Variants in AOC1 observed in about 807,000 individuals in gnomAD.
AOC1 encodes diamine oxidase [copper-containing].
AOC1 carries 58 observed loss-of-function variants against 57.1 expected under a neutral mutation model. The observed-to-expected ratio is 1.02, with a 90% CI of 0.82 to 1.26. The LOEUF (loss-of-function observed/expected upper bound fraction) is 1.26. Among genes scored for constraint, AOC1 ranks in the 50% most tolerant of loss-of-function variants. The probability of loss-of-function intolerance (pLI) is 0.00; values close to 1 mark genes in which losing one functional copy is unlikely to be tolerated. For missense variants in AOC1, 917 were observed against 1,005.3 expected (o/e 0.91, Z 1.19); for synonymous variants, 401 against 423.4 (o/e 0.95, Z 0.65).
rs752926390 is a variant in AOC1 at position 150,860,511 on chromosome 7, G to A, written c.1867G>A (p.Ala623Thr). Residue 623 changes from alanine to threonine, a missense_variant, in exon 4 of 5, where the codon GCA becomes ACA. Transcript: ENST00000360937. ...QAITWARYPLAVTKYRESELC... is the reference protein window; with the variant it reads ...QAITWARYPLTVTKYRESELC... ...GCCTGTGCCTGGCAGGTACCCCCTG[G>A]CAGTGACCAAGTACCGGGAGTCGGA... 2.5e-6 allele frequency: 4 copies of A among 1,613,970 alleles called. No individual in the cohort carries two copies. In the South Asian group the frequency reaches 4.4e-5, roughly 18 times the overall value.
Position 150,861,395 on chromosome 7 carries a change from C to T in AOC1, c.*186C>T. The T allele has an allele frequency of 1.6e-6, 1 of 629,184 alleles. No individual in the cohort carries two copies. The highest frequency in any genetic ancestry group is 2.8e-5 in the South Asian group (1 of 35,394). 39.0% of individuals were successfully genotyped at this position (629,184 alleles called of 1,614,324 possible). On this transcript the variant is annotated 3_prime_UTR_variant, in exon 5 of 5. Transcript: ENST00000360937. The surrounding 1 kb of genome is among the most constrained non-coding windows in gnomAD (Gnocchi z 4.5). ...GTGCACACACACACAGACATGCACACACACACAGACGTGCACACACACAGA... is the reference window on the plus strand; with the variant it reads ...GTGCACACACACACAGACATGCACATACACACAGACGTGCACACACACAGA...
In AOC1 at chr7:150,861,345, C is replaced by A; in HGVS notation, c.*136C>A. 2 of 1,036,550 alleles carry A rather than the reference C, an allele frequency of 1.9e-6. No individual in the cohort carries two copies. Among genetic ancestry groups the A allele is most frequent in the Non-Finnish European group, 2.7e-6 (2 of 739,698 alleles). 64.2% of individuals were successfully genotyped at this position (1,036,550 alleles called of 1,614,324 possible). ...CAGGGCCATGTGTGTAGGAAACACACGAACAGACGTGCACACACACAGACG... is the reference window on the plus strand; with the variant it reads ...CAGGGCCATGTGTGTAGGAAACACAAGAACAGACGTGCACACACACAGACG... On this transcript the variant is annotated 3_prime_UTR_variant, in exon 5 of 5. Transcript: ENST00000360937. This position sits in a 1 kb window ranked among gnomAD's most constrained non-coding sequence, Gnocchi z 4.5.
rs779754968 is a variant in AOC1 at position 150,856,885 on chromosome 7, G to T, written c.415G>T (p.Ala139Ser). The T allele has an allele frequency of 1.9e-6, 3 of 1,614,048 alleles. No individual in the cohort carries two copies. Among genetic ancestry groups the T allele is most frequent in the Non-Finnish European group, 2.5e-6 (3 of 1,179,970 alleles). Residue 139 changes from alanine to serine, a missense_variant, in exon 2 of 5, where the codon GCA becomes TCA. Physicochemically the swap from Ala to Ser is moderately conservative, Grantham distance 99 (BLOSUM62 1). Transcript: ENST00000360937. The surrounding 1 kb of genome is among the most constrained non-coding windows in gnomAD (Gnocchi z 5.2). ...SPRPGYQSSW[A>S]SRPISTAEYA... ...CAGGCCTGGGTACCAGTCCTCCTGG[G>T]CATCGAGGCCCATCTCCACAGCAGA...
At position 150,857,697 on chromosome 7, in the gene AOC1, G is replaced by C; in HGVS notation, c.1227G>C (p.Pro409=). ...TCCACTACTATGATGCCGATGACCC[G>C]GTCCATTATCCCCGAGCCCTCTGCC... is the stretch of plus-strand genomic sequence containing the variant. ...DTFHYYDADD[P]VHYPRALCLF... The change falls in exon 2 of 5, where the codon CCG becomes CCC. Residue 409 remains proline, a synonymous_variant. Transcript: ENST00000360937. The surrounding 1 kb of genome is among the most constrained non-coding windows in gnomAD (Gnocchi z 6.6). The C allele has an allele frequency of 6.2e-7, 1 of 1,614,066 alleles. No individual in the cohort carries two copies. Among genetic ancestry groups the C allele is most frequent in the Non-Finnish European group, 8.5e-7 (1 of 1,179,982 alleles).
chr7:150,857,944 C>T lies in AOC1; in HGVS notation c.1474C>T (p.Pro492Ser), dbSNP rs372093601. The change falls in exon 2 of 5, where the codon CCC (proline) becomes TCC (serine). Residue 492 changes from proline (P) to serine (S), a missense_variant. By Grantham distance (74) the Pro-to-Ser change is moderately conservative (BLOSUM62 -1). Coordinates refer to ENST00000360937, the MANE Select transcript of AOC1 (RefSeq NM_001091.4). The surrounding 1 kb of genome is among the most constrained non-coding windows in gnomAD (Gnocchi z 6.6). Reference protein sequence around the residue: ...TGYVHATFYTPEGLRHGTRLH... With the variant: ...TGYVHATFYTSEGLRHGTRLH... ...CTACGTCCACGCCACCTTCTACACC[C>T]CCGAGGGGCTGCGCCACGGCACTCG... 1.9e-5 allele frequency: 30 copies of T among 1,609,198 alleles called. No individual in the cohort carries two copies. The highest frequency in any genetic ancestry group is 2.2e-5 in the Non-Finnish European group (26 of 1,178,888).
At position 150,856,539 on chromosome 7, in the gene AOC1, G is replaced by A. The variant is rs186258416; in HGVS notation, c.69G>A (p.Pro23=). Residue 23 remains proline (P), a synonymous_variant, in exon 2 of 5, where the codon CCG becomes CCA. Coordinates refer to ENST00000360937, the MANE Select transcript of AOC1 (RefSeq NM_001091.4). This position sits in a 1 kb window ranked among gnomAD's most constrained non-coding sequence, Gnocchi z 5.2. ...MLQTAMAEPS[P]GTLPRKAGVF... is the part of the protein sequence containing the mutation. ...AGACGGCCATGGCGGAGCCCTCCCC[G>A]GGGACTCTGCCCAGGAAGGCAGGGG... is the stretch of plus-strand genomic sequence containing the variant. 148 of 1,613,896 alleles carry A rather than the reference G, an allele frequency of 9.2e-5. No individual in the cohort carries two copies. Among genetic ancestry groups the A allele is most frequent in the Admixed American group, 3.8e-4 (23 of 60,024 alleles).
intron 1 of AOC1, among the ~76,000 whole-genome samples, chr7:150,853,737 T>C (rs1035934348): frequency 1.3e-5 from 2 of 149,006 alleles, no homozygotes; most frequent in Admixed American, 6.7e-5. Flanking sequence ...AGAAGTCTAT[T>C]TGGGGCCAGG....
In AOC1 at chr7:150,856,556, A is replaced by G; in HGVS notation, c.86A>G (p.Lys29Arg). 1 of 1,614,056 alleles carries G rather than the reference A, an allele frequency of 6.2e-7. No individual in the cohort carries two copies. Among genetic ancestry groups the G allele is most frequent in the Non-Finnish European group, 8.5e-7 (1 of 1,179,956 alleles). ...CCCTCCCCGGGGACTCTGCCCAGGA[A>G]GGCAGGGGTGTTTTCAGACCTAAGC... is the stretch of plus-strand genomic sequence containing the variant. ...AEPSPGTLPR[K>R]AGVFSDLSNQ... is the part of the protein sequence containing the mutation. The change falls in exon 2 of 5, where the codon AAG becomes AGG. Residue 29 changes from lysine to arginine, a missense_variant. By Grantham distance (26) the Lys-to-Arg change is conservative. Coordinates refer to ENST00000360937, the MANE Select transcript of AOC1 (RefSeq NM_001091.4). The surrounding 1 kb of genome is among the most constrained non-coding windows in gnomAD (Gnocchi z 5.2).
intron 1 of AOC1, among the ~76,000 whole-genome samples, chr7:150,853,114 G>A (rs1019037217): frequency 6.6e-6 from 1 of 152,230 alleles, no homozygotes; most frequent in Non-Finnish European, 1.5e-5. Context: ...GATTGCTAGG[G>A]TTTCGGAGGA....
Position 150,856,301 on chromosome 7 carries a change from T to C in AOC1, c.-16-154T>C, listed in dbSNP as rs374072077. On this transcript the variant is annotated intron_variant, in intron 1 of 4. Transcript: ENST00000360937. This position sits in a 1 kb window ranked among gnomAD's most constrained non-coding sequence, Gnocchi z 5.2. The stretch of plus-strand genomic sequence containing the variant: ...AGCGGCCCGACGGCGCTGGGGACTA[T>C]GCATGGGGCCCCAGCTGCCCCAGGA... Among the ~76,000 whole-genome samples the C allele has an allele frequency of 4.0e-4, 61 of 152,272 alleles. No homozygotes were observed. Among genetic ancestry groups the C allele is most frequent in the African/African-American group, 1.3e-3 (56 of 41,566 alleles).
Position 150,857,204 on chromosome 7 carries a change from G to T in AOC1, c.734G>T (p.Ser245Ile), listed in dbSNP as rs773593619. The T allele has an allele frequency of 4.3e-6, 7 of 1,613,036 alleles. No individual in the cohort carries two copies. In the East Asian group the frequency reaches 1.6e-4, roughly 36 times the overall value. The change falls in exon 2 of 5, where the codon AGC becomes ATC. Residue 245 changes from serine (S) to isoleucine (I), a missense_variant. Coordinates refer to ENST00000360937, the MANE Select transcript of AOC1 (RefSeq NM_001091.4). This position sits in a 1 kb window ranked among gnomAD's most constrained non-coding sequence, Gnocchi z 6.6. ...TGGTACAACGGGAAGTTCTATGGGAGCCCAGAGGAACTGGCTCGGAAGTAT... is the reference window on the plus strand; with the variant it reads ...TGGTACAACGGGAAGTTCTATGGGATCCCAGAGGAACTGGCTCGGAAGTAT... ...QVWYNGKFYG[S>I]PEELARKYAD...
rs576525961 is a variant in AOC1 at position 150,861,023 on chromosome 7, C to G, written c.2070C>G (p.Asn690Lys). ...EDIPNTATPG[N>K]SVGFLLRPFN... ...TTCCCAACACAGCCACACCTGGGAA[C>G]TCCGTGGGCTTCCTGCTCCGGCCAT... is the stretch of plus-strand genomic sequence containing the variant. Residue 690 changes from asparagine (N) to lysine (K), a missense_variant, in exon 5 of 5, where the codon AAC becomes AAG. Physicochemically the swap from Asn to Lys is moderately conservative, Grantham distance 94. Coordinates refer to ENST00000360937, the MANE Select transcript of AOC1 (RefSeq NM_001091.4). This position sits in a 1 kb window ranked among gnomAD's most constrained non-coding sequence, Gnocchi z 4.5. 70 of 1,614,062 alleles carry G rather than the reference C, an allele frequency of 4.3e-5. No homozygotes were observed. The South Asian group carries it at 7.1e-4, about 16-fold the overall frequency.
intron 1 of AOC1, among the ~76,000 whole-genome samples, chr7:150,853,661 C>CTATATATATATATATA (rs201712777): frequency 3.2e-5 from 2 of 62,750 alleles, no homozygotes; most frequent in Non-Finnish European, 5.6e-5. Flanking sequence ...GAGATCCTGA[C>CTATATATATATATATA]TATATATATA....
At chr7:150,858,299 G>A (rs1027840110) in intron 2 of AOC1, among the ~76,000 whole-genome samples, 1 of 152,184 alleles carries the variant, frequency 6.6e-6, no homozygotes, top group African/African-American at 2.4e-5. Flanking sequence ...GGAGGGGACG[G>A]TGCCTATGAG....
rs1799959552 is a variant in AOC1, at chr7:150,861,187, A to G, written c.2234A>G (p.Asn745Ser). The change falls in exon 5 of 5, where the codon AAT becomes AGT. Residue 745 changes from asparagine to serine, a missense_variant. Transcript: ENST00000360937. The surrounding 1 kb of genome is among the most constrained non-coding windows in gnomAD (Gnocchi z 4.5). ...DCSMPPPFSY[N>S]GTYRPV ...TCGATGCCTCCCCCTTTTAGCTACA[A>G]TGGGACCTATAGACCTGTGTGACCA... 1 of 1,602,942 alleles carries G rather than the reference A, an allele frequency of 6.2e-7. No homozygotes were observed. The highest frequency in any genetic ancestry group is 8.5e-7 in the Non-Finnish European group (1 of 1,172,376).
At chr7:150,854,479 C>T (rs1799715440) in intron 1 of AOC1, among the ~76,000 whole-genome samples, 1 of 152,172 alleles carries the variant, frequency 6.6e-6, no homozygotes. Flanking sequence ...GCTAAGGGGA[C>T]TAGTGGAGAA....
Position 150,861,390 on chromosome 7 carries a change from G to A in AOC1, c.*181G>A. The A allele has an allele frequency of 8.0e-6, 5 of 626,624 alleles. No individual in the cohort carries two copies. Among genetic ancestry groups the A allele is most frequent in the Non-Finnish European group, 1.3e-5 (5 of 381,666 alleles). 38.8% of individuals were successfully genotyped at this position (626,624 alleles called of 1,614,324 possible). A position where few individuals can be genotyped will look rare whatever the true frequency, so the allele number is the denominator to read the frequency against. ...CAGACGTGCACACACACACAGACAT[G>A]CACACACACACAGACGTGCACACAC... On this transcript the variant is annotated 3_prime_UTR_variant, in exon 5 of 5. Transcript: ENST00000360937. The surrounding 1 kb of genome is among the most constrained non-coding windows in gnomAD (Gnocchi z 4.5).
At position 150,857,402 on chromosome 7, in the gene AOC1, G is replaced by A. The variant is rs1799816649; in HGVS notation, c.932G>A (p.Arg311Lys). ...RLVQPHGPRF[R>K]LEGNAVLYGG... ...GTCCAGCCCCACGGCCCTCGCTTCA[G>A]GCTGGAGGGCAACGCTGTGCTCTAC... The change falls in exon 2 of 5, where the codon AGG becomes AAG. Residue 311 changes from arginine (R) to lysine (K), a missense_variant. Arg to Lys is a conservative substitution (Grantham distance 26). Coordinates refer to ENST00000360937, the MANE Select transcript of AOC1 (RefSeq NM_001091.4). The surrounding 1 kb of genome is among the most constrained non-coding windows in gnomAD (Gnocchi z 6.6). The A allele has an allele frequency of 1.2e-6, 2 of 1,611,108 alleles. No individual in the cohort carries two copies. The highest frequency in any genetic ancestry group is 2.7e-5 in the African/African-American group (2 of 74,918).
rs758756420 is a variant in AOC1, at chr7:150,861,098, C to T, written c.2145C>T (p.Ile715=). The part of the protein sequence containing the change: ...DPSLASRDTV[I]VWPRDNGPNY... Reference sequence around the variant, plus strand: ...CCCTGGCATCCAGAGACACTGTGATCGTGTGGCCTCGGGACAACGGCCCCA... The same window carrying T: ...CCCTGGCATCCAGAGACACTGTGATTGTGTGGCCTCGGGACAACGGCCCCA... Residue 715 remains isoleucine, a synonymous_variant, in exon 5 of 5, where the codon ATC becomes ATT. Transcript: ENST00000360937. The surrounding 1 kb of genome is among the most constrained non-coding windows in gnomAD (Gnocchi z 4.5). 4.3e-6 allele frequency: 7 copies of T among 1,614,036 alleles called. No individual in the cohort carries two copies. The African/African-American group carries it at 5.3e-5, about 12-fold the overall frequency.
Sources: gnomAD v4.1 joint callset for allele counts (sites outside exome capture counted in the v4.1 genomes callset) on GRCh38, gnomAD v4.1.1 for gene constraint, Gnocchi (gnomAD v3.1) non-coding constraint, MANE v1.5 for transcripts, NCBI Gene and HGNC (gene_info 2026-07-23, HGNC 2026-07-21) for gene names.